The following PDIA6 variants were observed in gnomAD, a reference collection of about 807,000 sequenced individuals.
The protein encoded by PDIA6 is protein disulfide isomerase family A member 6.
Under a neutral mutation model 58.4 loss-of-function variants are expected in PDIA6, and 29 were observed. The ratio of observed to expected loss-of-function variants is 0.50; its 90% confidence interval spans 0.37 to 0.68. The LOEUF is 0.68. PDIA6 is among the 30% of genes least tolerant of loss of function. The pLI is 0.00. For synonymous variants in PDIA6, 192 were observed against 202.6 expected (o/e 0.95, Z 0.44); for missense variants, 480 against 551.0 (o/e 0.87, Z 1.29).
chr2:10,818,089 A>T (rs1667256083), intron 2 of PDIA6, among the ~76,000 whole-genome samples: 1 of 152,130 alleles, frequency 6.6e-6, no homozygotes, highest in Non-Finnish European at 1.5e-5. Flanking sequence ...TCTTATTTTC[A>T]GTGGGGATAG....
intron 7 of PDIA6, 84 bp downstream of exon 7, chr2:10,790,635 C>T (rs1353672370): frequency 2.1e-6 from 2 of 936,846 alleles, no homozygotes; most frequent in East Asian, 4.8e-5. Flanking sequence ...TCCTTTACTA[C>T]CTCATAGGGA....
intron 1 of PDIA6, among the ~76,000 whole-genome samples, chr2:10,827,098 C>T (rs533547461): frequency 6.8e-4 from 104 of 152,152 alleles, no homozygotes; most frequent in Non-Finnish European, 1.1e-3. Context: ...AAGTCTTGGT[C>T]TACTGCCCAG....
intron 1 of PDIA6, among the ~76,000 whole-genome samples, chr2:10,804,263 GA>G (rs1489482786): frequency 1.3e-5 from 2 of 149,178 alleles, no homozygotes; most frequent in Non-Finnish European, 3.0e-5. Context: ...CTTTAAAAAC[GA>G]AAAAAACCTA....
chr2:10,821,518 A>G (rs984057727), intron 1 of PDIA6: 1 of 152,256 alleles, frequency 6.6e-6, no homozygotes, highest in Non-Finnish European at 1.5e-5. Flanking sequence ...CTGAGCAAAC[A>G]TCTAGAAAGA....
chr2:10,824,558 A>G (rs1667496767), intron 1 of PDIA6, among the ~76,000 whole-genome samples: 2 of 152,242 alleles, frequency 1.3e-5, no homozygotes, highest in South Asian at 4.1e-4. Flanking sequence ...TAAACCAATC[A>G]GAGTGAAGCT....
upstream of PDIA6, chr2:10,812,804 G>A: frequency 1.7e-6 from 2 of 1,198,668 alleles, no homozygotes; most frequent in Non-Finnish European, 2.1e-6. Flanking sequence ...CCAGTCCGGT[G>A]GTCCGAGGGG....
upstream of PDIA6, among the ~76,000 whole-genome samples, chr2:10,814,124 A>G (rs986382815): frequency 6.6e-6 from 1 of 152,100 alleles, no homozygotes; most frequent in Non-Finnish European, 1.5e-5. Flanking sequence ...TTGTTTTTGT[A>G]TTAGTAATTT....
rs1348387684 is a variant in PDIA6 at position 10,783,505 on chromosome 2, C to A, written c.*753G>T. On this transcript the variant is annotated 3_prime_UTR_variant, in exon 13 of 13. Coordinates refer to ENST00000272227, the MANE Select transcript of PDIA6 (RefSeq NM_005742.4). ...GAATGTTTTACATAAATGCGAACTACCTGTTCGCATTGGTAACCTGCTGCT... is the reference window on the plus strand; with the variant it reads ...GAATGTTTTACATAAATGCGAACTAACTGTTCGCATTGGTAACCTGCTGCT... The A allele has an allele frequency of 2.5e-5, 10 of 399,516 alleles. No individual in the cohort carries two copies. The highest frequency in any genetic ancestry group is 4.6e-5 in the Non-Finnish European group (10 of 218,666). The allele number at this position is 399,516 out of a possible 1,614,324, so 24.7% of individuals were successfully genotyped here. A position where few individuals can be genotyped will look rare whatever the true frequency, so the allele number is the denominator to read the frequency against.
chr2:10,791,764 A>G, intron 6 of PDIA6, 31 bp downstream of exon 6: 1 of 1,601,680 alleles, frequency 6.2e-7, no homozygotes, highest in Non-Finnish European at 8.5e-7. Flanking sequence ...AACACTGTGA[A>G]TGAACAGACT....
In PDIA6 at chr2:10,802,579, C is replaced by G. The variant is rs748641327; in HGVS notation, c.81G>C (p.Val27=). 2.0e-6 allele frequency: 3 copies of G among 1,496,576 alleles called. No individual in the cohort carries two copies. In the African/African-American group the frequency reaches 4.3e-5, roughly 21 times the overall value. 92.7% of individuals were successfully genotyped at this position (1,496,576 alleles called of 1,614,324 possible). Residue 27 remains valine, a synonymous_variant, in exon 2 of 13, where the codon GTG becomes GTC. Transcript: ENST00000272227. Reference sequence around the variant, plus strand: ...TGAAATTCGATGGAGTTAATTCGATCACATCATCACTAGAGGAATACAGAC... The same window carrying G: ...TGAAATTCGATGGAGTTAATTCGATGACATCATCACTAGAGGAATACAGAC... ...VNGLYSSSDD[V]IELTPSNFNR...
intron 2 of PDIA6, among the ~76,000 whole-genome samples, chr2:10,802,263 T>C (rs1203854389): frequency 2.0e-5 from 3 of 152,216 alleles, no homozygotes; most frequent in Non-Finnish European, 4.4e-5. Flanking sequence ...TTTTCTTTGC[T>C]CAAGATTCCT....
At position 10,785,003 on chromosome 2, in the gene PDIA6, C is replaced by T. The variant is rs201556867; in HGVS notation, c.1185G>A (p.Thr395=). ...LRELSFGRGS[T]APVGGGAFPT... Reference sequence around the variant, plus strand: ...GGAAAGCCCCGCCTCCTACAGGTGCCGTGGAGCCACGCCCAAAAGAGAGCT... The same window carrying T: ...GGAAAGCCCCGCCTCCTACAGGTGCTGTGGAGCCACGCCCAAAAGAGAGCT... Residue 395 remains threonine (T), a synonymous_variant, in exon 12 of 13, where the codon ACG becomes ACA. Transcript: ENST00000272227. The T allele has an allele frequency of 1.3e-4, 206 of 1,583,344 alleles. 1 individual carries two copies. Among genetic ancestry groups the T allele is most frequent in the Admixed American group, 9.4e-4 (53 of 56,412 alleles).
At chr2:10,820,056 G>A (rs1271861988) in intron 1 of PDIA6, among the ~76,000 whole-genome samples, 1 of 152,226 alleles carries the variant, frequency 6.6e-6, no homozygotes, top group East Asian at 1.9e-4. Context: ...GTCCAGAGGT[G>A]TTCTTGGCAT....
chr2:10,791,562 A>G (rs920936812), intron 6 of PDIA6, among the ~76,000 whole-genome samples: 3 of 152,182 alleles, frequency 2.0e-5, no homozygotes, highest in African/African-American at 7.2e-5. Flanking sequence ...TGAGCTTCCC[A>G]TTCCACCACT....
At position 10,783,524 on chromosome 2, in the gene PDIA6, T is replaced by G; in HGVS notation, c.*734A>C. The G allele has an allele frequency of 8.5e-6, 3 of 354,808 alleles. No individual in the cohort carries two copies. Among genetic ancestry groups the G allele is most frequent in the Non-Finnish European group, 1.6e-5 (3 of 191,004 alleles). 22.0% of individuals were successfully genotyped at this position (354,808 alleles called of 1,614,324 possible). A position where few individuals can be genotyped will look rare whatever the true frequency, so the allele number is the denominator to read the frequency against. On this transcript the variant is annotated 3_prime_UTR_variant, in exon 13 of 13. Transcript: ENST00000272227. ...GAACTACCTGTTCGCATTGGTAACC[T>G]GCTGCTGTATTTCATGTCTTAACGG...
chr2:10,784,894 C>A, intron 12 of PDIA6, 40 bp downstream of exon 12: 1 of 1,398,494 alleles, frequency 7.2e-7, no homozygotes, highest in South Asian at 1.2e-5. Flanking sequence ...GAGAGTAAAC[C>A]AGGACTGCTG....
intron 2 of PDIA6, among the ~76,000 whole-genome samples, chr2:10,818,484 TTATTTATTTATTTATTTA>T (rs1667274995): frequency 1.4e-4 from 8 of 58,782 alleles, no homozygotes; most frequent in South Asian, 4.4e-4. Flanking sequence ...ACCATTTAAT[TTATTTATTTATTTATTTA>T]TTTATTTATT....
At chr2:10,789,526 A>T (rs1444590396) in intron 8 of PDIA6, among the ~76,000 whole-genome samples, 1 of 152,114 alleles carries the variant, frequency 6.6e-6, no homozygotes, top group Non-Finnish European at 1.5e-5. Flanking sequence ...GATTGAATAC[A>T]CTCTATCTTT....
At chr2:10,806,325 G>A (rs1558452101) in intron 1 of PDIA6, among the ~76,000 whole-genome samples, 1 of 147,168 alleles carries the variant, frequency 6.8e-6, no homozygotes, top group Admixed American at 6.9e-5. Context: ...AGTGGGCTGT[G>A]ATGCACCACT....
Sources: allele counts gnomAD v4.1 joint callset (sites outside exome capture counted in the v4.1 genomes callset), GRCh38; gene constraint gnomAD v4.1.1; transcripts MANE v1.5; gene names NCBI Gene and HGNC (gene_info 2026-07-23, HGNC 2026-07-21).